KDM4C: variants seen among roughly 807,000 people sequenced by gnomAD.
KDM4C encodes lysine demethylase 4C, also known as lysine-specific demethylase 4C.
KDM4C carries 81 observed loss-of-function variants against 129.3 expected under a neutral mutation model. That is an observed-to-expected ratio of 0.63 (90% CI 0.52 to 0.75). The LOEUF (loss-of-function observed/expected upper bound fraction) is 0.75, where lower values mean the gene tolerates loss of function less well. KDM4C is among the 30% of genes least tolerant of loss of function. KDM4C has a pLI of 0.00. For synonymous variants in KDM4C, 573 were observed against 456.1 expected, an observed-to-expected ratio of 1.26 and a Z score of -3.26; for missense variants, 1,457 against 1,304.0, an observed-to-expected ratio of 1.12 and a Z score of -1.81.
chr9:6,862,846 C>G (rs1279387740), intron 5 of KDM4C, among the ~76,000 whole-genome samples: 1 of 149,896 alleles, frequency 6.7e-6, no homozygotes, highest in Non-Finnish European at 1.5e-5. Flanking sequence ...AAACAAAAAA[C>G]AAAAAAAAAT....
intron 1 of KDM4C, among the ~76,000 whole-genome samples, chr9:6,782,378 A>G (rs1824541456): frequency 6.6e-6 from 1 of 152,210 alleles, no homozygotes; most frequent in South Asian, 2.1e-4. Flanking sequence ...GATTAGGCTC[A>G]TTTCCCATCT....
chr9:7,064,870 G>GT (rs1343826575), intron 17 of KDM4C, among the ~76,000 whole-genome samples: 2 of 152,186 alleles, frequency 1.3e-5, no homozygotes, highest in Non-Finnish European at 2.9e-5. Context: ...CATTTGGCCA[G>GT]TGATGATAAT....
chr9:7,016,468 C>A (rs966952729), intron 15 of KDM4C, among the ~76,000 whole-genome samples: 1 of 135,172 alleles, frequency 7.4e-6, no homozygotes, highest in Non-Finnish European at 1.5e-5. Context: ...ACTCCATTGC[C>A]CAGGCTGGAA....
At chr9:6,877,791 T>C (rs979132213) in intron 5 of KDM4C, among the ~76,000 whole-genome samples, 2 of 152,210 alleles carry the variant, frequency 1.3e-5, no homozygotes, top group Non-Finnish European at 2.9e-5. Flanking sequence ...TCCTTTGTTA[T>C]GTGGAAACAT....
At chr9:6,802,610 C>G (rs1829216828) in intron 2 of KDM4C, among the ~76,000 whole-genome samples, 1 of 152,108 alleles carries the variant, frequency 6.6e-6, no homozygotes, top group Admixed American at 6.6e-5. Context: ...GCTACATAGG[C>G]TGTTACATTT....
chr9:6,971,854 C>T (rs1235739418), intron 8 of KDM4C, among the ~76,000 whole-genome samples: 2 of 152,030 alleles, frequency 1.3e-5, no homozygotes, highest in Admixed American at 6.6e-5. Flanking sequence ...TATGGTGAGT[C>T]AACATTCGAT....
intron 18 of KDM4C, among the ~76,000 whole-genome samples, chr9:7,115,520 A>G (rs1035280495): frequency 6.6e-6 from 1 of 152,234 alleles, no homozygotes; most frequent in Non-Finnish European, 1.5e-5. Context: ...CTTGTAACAC[A>G]TAAGAGGTAG....
At chr9:7,153,842 C>T (rs753531383) in intron 19 of KDM4C, among the ~76,000 whole-genome samples, 1 of 152,188 alleles carries the variant, frequency 6.6e-6, no homozygotes, top group Non-Finnish European at 1.5e-5. Context: ...TGTTCAGCTG[C>T]AGCTATGGGC....
intron 17 of KDM4C, among the ~76,000 whole-genome samples, chr9:7,090,455 C>G (rs538830577): frequency 6.6e-6 from 1 of 152,196 alleles, no homozygotes; most frequent in African/African-American, 2.4e-5. Flanking sequence ...TAAAGGATTT[C>G]TTTGCACTTT....
At chr9:6,890,984 G>C (rs1023476199) in intron 7 of KDM4C, among the ~76,000 whole-genome samples, 1 of 152,180 alleles carries the variant, frequency 6.6e-6, no homozygotes, top group African/African-American at 2.4e-5. Flanking sequence ...GGTTTCTTTG[G>C]CACGGGACAG....
intron 19 of KDM4C, among the ~76,000 whole-genome samples, chr9:7,130,246 A>G (rs200498137): frequency 1.7e-4 from 26 of 152,260 alleles, no homozygotes; most frequent in African/African-American, 5.8e-4. Context: ...ACCTGAGCAC[A>G]GTTAAACAGG....
At chr9:6,918,068 C>A (rs1820654642) in intron 8 of KDM4C, among the ~76,000 whole-genome samples, 1 of 152,122 alleles carries the variant, frequency 6.6e-6, no homozygotes, top group South Asian at 2.1e-4. Context: ...AGGTTTGTTA[C>A]ATTGGTATAT....
At chr9:7,101,390 T>C (rs1179103925) in intron 17 of KDM4C, among the ~76,000 whole-genome samples, 1 of 152,206 alleles carries the variant, frequency 6.6e-6, no homozygotes, top group Non-Finnish European at 1.5e-5. Flanking sequence ...TCTGAAATAC[T>C]GCGTTAACTG....
At chr9:6,820,220 T>TGAATG (rs1437201758) in intron 4 of KDM4C, among the ~76,000 whole-genome samples, 1 of 152,158 alleles carries the variant, frequency 6.6e-6, no homozygotes, top group African/African-American at 2.4e-5. Context: ...AAGTAAGACT[T>TGAATG]TCTGGAGTGG....
intron 5 of KDM4C, among the ~76,000 whole-genome samples, chr9:6,872,655 T>A (rs1249870663): frequency 6.6e-6 from 1 of 152,220 alleles, no homozygotes; most frequent in African/African-American, 2.4e-5. Context: ...TTTGTTGGTT[T>A]AAAGTCTGTT....
intron 15 of KDM4C, among the ~76,000 whole-genome samples, chr9:7,017,060 T>C (rs1208161561): frequency 1.3e-5 from 2 of 151,970 alleles, no homozygotes; most frequent in Non-Finnish European, 2.9e-5. Flanking sequence ...TTCACCCTCC[T>C]GGGTAGCTGG....
At chr9:6,784,873 G>T (rs576096475) in intron 1 of KDM4C, among the ~76,000 whole-genome samples, 1 of 152,316 alleles carries the variant, frequency 6.6e-6, no homozygotes, top group East Asian at 1.9e-4. Flanking sequence ...ATGTGCTAAC[G>T]ATTAATGGAG....
intron 3 of KDM4C, among the ~76,000 whole-genome samples, chr9:6,806,761 A>G (rs1003163616): frequency 6.6e-6 from 1 of 151,970 alleles, no homozygotes; most frequent in East Asian, 1.9e-4. Flanking sequence ...TCTTCATGTC[A>G]TGGCAGCTGG....
chr9:7,021,146 A>G (rs1244806051), intron 15 of KDM4C, among the ~76,000 whole-genome samples: 347 of 143,630 alleles, frequency 2.4e-3, no homozygotes, highest in African/African-American at 6.3e-3. Flanking sequence ...GTGTGTATAT[A>G]TATATATGTA....
Sources: allele counts gnomAD v4.1 joint callset (sites outside exome capture counted in the v4.1 genomes callset), GRCh38; gene constraint gnomAD v4.1.1; transcripts MANE v1.5; gene names NCBI Gene and HGNC (gene_info 2026-07-23, HGNC 2026-07-21).